The following CTNNA3 variants were observed in gnomAD, a reference collection of about 807,000 sequenced individuals.
CTNNA3 encodes the protein catenin alpha 3.
CTNNA3 carries 76 observed loss-of-function variants against 95.7 expected under a neutral mutation model. The ratio of observed to expected loss-of-function variants is 0.79; its 90% CI spans 0.66 to 0.96. CTNNA3 has a LOEUF of 0.96. Among genes scored for constraint, CTNNA3 ranks in the 40% least tolerant of loss-of-function variants. The pLI is 0.00. For synonymous variants in CTNNA3, 431 were observed against 374.4 expected (o/e 1.15, Z -1.74); for missense variants, 1,191 against 1,089.8 (o/e 1.09, Z -1.31).
intron 7 of CTNNA3, among the ~76,000 whole-genome samples, chr10:67,035,159 A>C (rs968547660): frequency 2.6e-5 from 4 of 152,214 alleles, no homozygotes; most frequent in African/African-American, 9.6e-5. Context: ...GCTGATACCA[A>C]GTACAAGTTC....
chr10:66,814,867 T>TC (rs1842014916), intron 7 of CTNNA3, among the ~76,000 whole-genome samples: 1 of 150,188 alleles, frequency 6.7e-6, no homozygotes, highest in African/African-American at 2.4e-5. Context: ...TTTTTTTTTT[T>TC]TTGAGATGGA....
intron 10 of CTNNA3, among the ~76,000 whole-genome samples, chr10:66,558,782 T>A (rs1842465700): frequency 6.6e-6 from 1 of 152,148 alleles, no homozygotes; most frequent in Non-Finnish European, 1.5e-5. Flanking sequence ...GGGAAATGAC[T>A]GGTTATGACT....
At chr10:66,904,222 AGCCATCTGAT>A (rs1485755466) in intron 7 of CTNNA3, among the ~76,000 whole-genome samples, 3 of 152,170 alleles carry the variant, frequency 2.0e-5, no homozygotes, top group Non-Finnish European at 4.4e-5. Flanking sequence ...ACACATCCAC[AGCCATCTGAT>A]CTTTGACAAA....
rs550057578 is a variant in CTNNA3, at chr10:67,395,626, T to C, written c.579+126216A>G. ...TTAGTACATCATAGCAATATCTATA[T>C]TGGAAAAGTACAAACAGAACTAACA... On this transcript the variant is annotated intron_variant, in intron 5 of 17. Transcript: ENST00000433211. 2.8e-4 allele frequency among the ~76,000 whole-genome samples: 42 copies of C among 152,316 alleles called. No individual in the cohort carries two copies. The East Asian group carries it at 5.6e-3, about 20-fold the overall frequency.
chr10:66,443,124 T>A (rs2093388244), intron 11 of CTNNA3, among the ~76,000 whole-genome samples: 1 of 152,104 alleles, frequency 6.6e-6, no homozygotes, highest in Admixed American at 6.6e-5. Context: ...CGCCTGTCAT[T>A]GCCCAGGCTT....
chr10:67,052,371 G>T (rs1855163203), intron 7 of CTNNA3, among the ~76,000 whole-genome samples: 1 of 145,906 alleles, frequency 6.9e-6, no homozygotes, highest in South Asian at 2.2e-4. Context: ...AGCACTAAGC[G>T]GCCAATGCCT....
At chr10:66,660,799 C>A (rs1436543298) in intron 9 of CTNNA3, among the ~76,000 whole-genome samples, 1 of 152,110 alleles carries the variant, frequency 6.6e-6, no homozygotes, top group Non-Finnish European at 1.5e-5. Flanking sequence ...CCCATATCCC[C>A]ATTTCCTGCT....
intron 12 of CTNNA3, among the ~76,000 whole-genome samples, chr10:66,301,149 C>T (rs1258038668): frequency 4.6e-5 from 7 of 151,938 alleles, no homozygotes; most frequent in African/African-American, 1.7e-4. Context: ...CATGAATAGG[C>T]TTATAGCTAT....
At chr10:66,164,591 G>A (rs1337672474) in intron 13 of CTNNA3, among the ~76,000 whole-genome samples, 2 of 151,810 alleles carry the variant, frequency 1.3e-5, no homozygotes, top group African/African-American at 4.8e-5. Context: ...ACAACACAGA[G>A]TCTGTCTGAG....
chr10:67,498,202 C>T (rs1232648461), intron 5 of CTNNA3, among the ~76,000 whole-genome samples: 2 of 152,116 alleles, frequency 1.3e-5, no homozygotes, highest in African/African-American at 4.8e-5. Flanking sequence ...ATCTTTTCCC[C>T]ATTGCTTGTT....
chr10:67,432,428 C>T (rs1473237194), intron 5 of CTNNA3, among the ~76,000 whole-genome samples: 1 of 151,902 alleles, frequency 6.6e-6, no homozygotes, highest in East Asian at 1.9e-4. Flanking sequence ...GGCCATGAAT[C>T]CAAAATCAAG....
intron 5 of CTNNA3, among the ~76,000 whole-genome samples, chr10:67,251,223 G>A (rs1443320675): frequency 6.6e-6 from 1 of 152,124 alleles, no homozygotes; most frequent in Non-Finnish European, 1.5e-5. Flanking sequence ...AGTAAAAGAA[G>A]CCAATCACAA....
chr10:67,763,009 C>T (rs1024354303), intron 1 of CTNNA3, among the ~76,000 whole-genome samples: 3 of 152,062 alleles, frequency 2.0e-5, no homozygotes, highest in Admixed American at 6.5e-5. Flanking sequence ...TAAGTCTTGC[C>T]GATGCTCCCA....
At chr10:66,367,883 T>TAATAATA (rs1564903306) in intron 12 of CTNNA3, among the ~76,000 whole-genome samples, 7 of 12,678 alleles carry the variant, frequency 5.5e-4, no homozygotes, top group African/African-American at 1.7e-3. Flanking sequence ...TAATAATAAT[T>TAATAATA]ATTATTATTA....
At chr10:66,950,438 T>G (rs76205148) in intron 7 of CTNNA3, among the ~76,000 whole-genome samples, 1 of 152,108 alleles carries the variant, frequency 6.6e-6, no homozygotes, top group Non-Finnish European at 1.5e-5. Context: ...GTTTAAAGAA[T>G]CATATGTGAA....
chr10:66,388,384 C>A (rs2092910055), intron 11 of CTNNA3, among the ~76,000 whole-genome samples: 1 of 152,004 alleles, frequency 6.6e-6, no homozygotes, highest in Non-Finnish European at 1.5e-5. Context: ...GTGAATTTTG[C>A]AGAGGAGAAA....
intron 15 of CTNNA3, among the ~76,000 whole-genome samples, chr10:66,045,693 C>T (rs2079814901): frequency 6.6e-6 from 1 of 152,098 alleles, no homozygotes. Flanking sequence ...AAATTCAAAG[C>T]TAAATTTCCT....
chr10:66,026,992 G>A (rs960990096), intron 15 of CTNNA3, among the ~76,000 whole-genome samples: 3 of 151,926 alleles, frequency 2.0e-5, no homozygotes, highest in Non-Finnish European at 2.9e-5. Flanking sequence ...ACTGAAATAA[G>A]TCAAATAAGT....
chr10:66,428,784 G>C (rs1466283426), intron 11 of CTNNA3, among the ~76,000 whole-genome samples: 1 of 151,776 alleles, frequency 6.6e-6, no homozygotes, highest in Non-Finnish European at 1.5e-5. Flanking sequence ...AGCACTAAAT[G>C]CCCACAAGAG....
Sources: gnomAD v4.1 joint callset for allele counts (sites outside exome capture counted in the v4.1 genomes callset) on GRCh38, gnomAD v4.1.1 for gene constraint, MANE v1.5 for transcripts, NCBI Gene and HGNC (gene_info 2026-07-23, HGNC 2026-07-21) for gene names.